The following CFAP47 variants were observed in gnomAD, a reference collection of about 807,000 sequenced individuals.
The protein encoded by CFAP47 is cilia and flagella associated protein 47, also known as cilia- and flagella-associated protein 47.
In CFAP47, 29 loss-of-function variants were observed where a neutral mutation model predicts 148.1. The ratio of observed to expected loss-of-function variants is 0.20; its 90% confidence interval spans 0.15 to 0.27. The LOEUF (loss-of-function observed/expected upper bound fraction) is 0.27. Among genes scored for constraint, CFAP47 ranks in the 10% least tolerant of loss-of-function variants. The probability of loss-of-function intolerance (pLI) is 1.00; values close to 1 mark genes in which losing one functional copy is unlikely to be tolerated. For synonymous variants in CFAP47, 664 were observed against 577.3 expected (o/e 1.15, Z -2.15); for missense variants, 1,872 against 1,697.5 (o/e 1.10, Z -1.81).
chrX:36,124,827 G>C (rs1312646562), intron 33 of CFAP47, among the ~76,000 whole-genome samples: 2 of 111,063 alleles, frequency 1.8e-5, no homozygotes, highest in African/African-American at 6.5e-5. Context: ...GATCAGTAGA[G>C]CCATTTATTC....
At chrX:35,984,592 A>G (rs1214526150) in intron 15 of CFAP47, among the ~76,000 whole-genome samples, 1 of 111,511 alleles carries the variant, frequency 9.0e-6, no homozygotes, top group African/African-American at 3.3e-5. Flanking sequence ...GGTGTTTAGC[A>G]CTATAAAATT....
At chrX:35,926,216 T>A in intron 2 of CFAP47, 48 bp downstream of exon 2, 1 of 999,576 alleles carries the variant, frequency 1.0e-6, no homozygotes. Flanking sequence ...ACTCTTTAAA[T>A]AAAAATGAGG....
chrX:36,103,529 A>AAAAAAAAC (rs1938415961), intron 32 of CFAP47, among the ~76,000 whole-genome samples: 1 of 100,604 alleles, frequency 9.9e-6, no homozygotes, highest in Non-Finnish European at 2.0e-5. Context: ...AAAAAAAAAA[A>AAAAAAAAC]CATCCCTCAA....
At chrX:36,053,790 G>A (rs765850990) in intron 26 of CFAP47, among the ~76,000 whole-genome samples, 7 of 112,159 alleles carry the variant, frequency 6.2e-5, no homozygotes, top group African/African-American at 1.6e-4. Context: ...GTTATTCATC[G>A]TTTACTTGTA....
At chrX:36,175,000 C>G (rs1390706775) in intron 39 of CFAP47, among the ~76,000 whole-genome samples, 42 of 112,058 alleles carry the variant, frequency 3.7e-4, no homozygotes, top group African/African-American at 1.2e-3. Context: ...TTGCTCGTTT[C>G]TTTTTATTCT....
intron 30 of CFAP47, among the ~76,000 whole-genome samples, chrX:36,088,116 T>C (rs1011502896): frequency 2.7e-5 from 3 of 111,624 alleles, no homozygotes; most frequent in Non-Finnish European, 5.6e-5. Context: ...TTTACATTAG[T>C]TATCTTTTTA....
At chrX:36,342,969 C>T (rs185675507) in intron 57 of CFAP47, among the ~76,000 whole-genome samples, 41 of 110,890 alleles carry the variant, frequency 3.7e-4, no homozygotes, top group African/African-American at 1.3e-3. Flanking sequence ...CCTTTTCCCC[C>T]ACCCCCTGAC....
chrX:35,923,999 G>C (rs1180591277), intron 1 of CFAP47, among the ~76,000 whole-genome samples: 1 of 101,113 alleles, frequency 9.9e-6, no homozygotes, highest in African/African-American at 3.9e-5. Flanking sequence ...ACATATATGT[G>C]TATATGTGTA....
chrX:35,930,424 T>A (rs952725059), intron 2 of CFAP47, among the ~76,000 whole-genome samples: 5 of 111,365 alleles, frequency 4.5e-5, no homozygotes, highest in South Asian at 3.8e-4. Context: ...TTGCTTTTTT[T>A]AATTGTCATT....
At chrX:36,162,667 GAGAT>G (rs1364676230) in intron 39 of CFAP47, among the ~76,000 whole-genome samples, 1 of 111,690 alleles carries the variant, frequency 9.0e-6, no homozygotes, top group Non-Finnish European at 1.9e-5. Flanking sequence ...ATATTTAACA[GAGAT>G]AGGATTAGCT....
chrX:35,984,267 G>A (rs1430907748), intron 15 of CFAP47, among the ~76,000 whole-genome samples: 2 of 109,702 alleles, frequency 1.8e-5, no homozygotes, highest in Non-Finnish European at 3.8e-5. Context: ...TGTAATATAA[G>A]TTTTTTTTTG....
intron 33 of CFAP47, among the ~76,000 whole-genome samples, chrX:36,123,514 C>T (rs1377016912): frequency 9.0e-6 from 1 of 111,638 alleles, no homozygotes; most frequent in Non-Finnish European, 1.9e-5. Context: ...CACAGTCCTT[C>T]CCACTCTTCC....
intron 51 of CFAP47, among the ~76,000 whole-genome samples, chrX:36,293,040 T>A (rs1556005816): frequency 5.4e-5 from 6 of 111,107 alleles, no homozygotes; most frequent in South Asian, 3.7e-4. Context: ...TTCTAATGAG[T>A]ATTTACTGGG....
In CFAP47 at chrX:36,104,690, A is replaced by T; in HGVS notation, c.5319A>T (p.Lys1773Asn). ...TRHVIWKNCH[K>N]DVIPSERWIV... is the part of the protein sequence containing the mutation. ...ATGTGATATGGAAAAACTGTCACAA[A>T]GGTGAGAAGTGATATTTTTCTTTAA... Residue 1773 changes from lysine to asparagine, a missense_variant and splice_region_variant, in exon 33 of 64, where the codon AAA becomes AAT. Physicochemically the swap from Lys to Asn is moderately conservative, Grantham distance 94. Transcript: ENST00000378653. 1.3e-6 allele frequency: 1 copy of T among 742,034 alleles called. No individual in the cohort carries two copies. Among genetic ancestry groups the T allele is most frequent in the Non-Finnish European group, 2.0e-6 (1 of 509,906 alleles). 61.2% of individuals were successfully genotyped at this position (742,034 alleles called of 1,213,427 possible).
intron 25 of CFAP47, among the ~76,000 whole-genome samples, chrX:36,046,490 T>C (rs1937468016): frequency 9.0e-6 from 1 of 111,186 alleles, no homozygotes; most frequent in African/African-American, 3.3e-5. Flanking sequence ...CTATATGCAT[T>C]AAGTTTGTAC....
intron 48 of CFAP47, among the ~76,000 whole-genome samples, chrX:36,247,993 A>T (rs1400358943): frequency 1.8e-5 from 2 of 110,442 alleles, no homozygotes; most frequent in Non-Finnish European, 3.8e-5. Flanking sequence ...AAGTGGCTGG[A>T]GTATTTCAGA....
chrX:36,032,121 T>C (rs1323691519), intron 23 of CFAP47, among the ~76,000 whole-genome samples: 1 of 111,407 alleles, frequency 9.0e-6, no homozygotes, highest in East Asian at 2.8e-4. Flanking sequence ...AAAGACCTTA[T>C]GTGTGGGGCT....
At chrX:36,172,509 G>T (rs1357238744) in intron 39 of CFAP47, among the ~76,000 whole-genome samples, 1 of 109,779 alleles carries the variant, frequency 9.1e-6, no homozygotes, top group Non-Finnish European at 1.9e-5. Context: ...TTAGCATGAG[G>T]GGTTGTTGAA....
chrX:36,024,251 G>A (rs1798249453), intron 22 of CFAP47, among the ~76,000 whole-genome samples: 1 of 111,816 alleles, frequency 8.9e-6, no homozygotes, highest in Admixed American at 9.5e-5. Context: ...CTAGGGTCTG[G>A]AAAAGGAGCT....
Sources: allele counts gnomAD v4.1 joint callset (sites outside exome capture counted in the v4.1 genomes callset), GRCh38; gene constraint gnomAD v4.1.1; transcripts MANE v1.5; gene names NCBI Gene and HGNC (gene_info 2026-07-23, HGNC 2026-07-21).